The following ABI2 variants were observed in gnomAD, a reference collection of about 807,000 sequenced individuals.
The protein encoded by ABI2 is abl interactor 2, also known as abelson interactor 2.
In ABI2, 25 loss-of-function variants were observed where a neutral mutation model predicts 59.2. That is an observed-to-expected ratio of 0.42 (90% CI 0.31 to 0.59). The LOEUF is 0.59. ABI2 is among the 20% of genes least tolerant of loss of function. ABI2 has a pLI of 0.14. For synonymous variants in ABI2, 213 were observed against 235.5 expected, an observed-to-expected ratio of 0.90 and a Z score of 0.87; for missense variants, 545 against 681.8, an observed-to-expected ratio of 0.80 and a Z score of 2.23.
At chr2:203,337,078 A>C (rs906020854) in intron 1 of ABI2, among the ~76,000 whole-genome samples, 34 of 152,236 alleles carry the variant, frequency 2.2e-4, no homozygotes, top group Non-Finnish European at 3.5e-4. Context: ...TAAGATCAGG[A>C]ATAAGACAGT....
chr2:203,423,307 T>C (rs144141861), intron 11 of ABI2, among the ~76,000 whole-genome samples: 2,303 of 152,342 alleles, frequency 0.015, 29 homozygotes, highest in Middle Eastern at 0.054. Context: ...TGTTAGGCGC[T>C]AGGGATACAC....
chr2:203,370,186 T>TTCTCTC (rs71007509), intron 2 of ABI2, among the ~76,000 whole-genome samples: 1,633 of 136,634 alleles, frequency 0.012, 32 homozygotes, highest in African/African-American at 0.034. Context: ...CATTCTCCTA[T>TTCTCTC]TCTCTCTCTC....
chr2:203,396,161 T>A (rs758336392), intron 7 of ABI2, among the ~76,000 whole-genome samples: 9 of 152,214 alleles, frequency 5.9e-5, no homozygotes, highest in Admixed American at 1.3e-4. Flanking sequence ...TTAAATTTAG[T>A]GGCTGTATTG....
At chr2:203,356,835 T>A (rs533240308) in intron 1 of ABI2, among the ~76,000 whole-genome samples, 2 of 119,148 alleles carry the variant, frequency 1.7e-5, no homozygotes, top group Non-Finnish European at 3.7e-5. Flanking sequence ...CTGAAAGTTT[T>A]TGGTTTTACA....
intron 1 of ABI2, among the ~76,000 whole-genome samples, chr2:203,333,479 T>A (rs1575540039): frequency 6.6e-6 from 1 of 152,120 alleles, no homozygotes; most frequent in African/African-American, 2.4e-5. Context: ...AATGGGAGAA[T>A]CTTAGAATAC....
chr2:203,376,182 C>A, intron 2 of ABI2: 1 of 1,424,522 alleles, frequency 7.0e-7, no homozygotes, highest in South Asian at 1.3e-5. Flanking sequence ...TGGTTCTCAA[C>A]CAGGGAAGTT....
intron 1 of ABI2, among the ~76,000 whole-genome samples, chr2:203,364,234 C>T (rs2094017554): frequency 6.6e-6 from 1 of 151,684 alleles, no homozygotes; most frequent in Non-Finnish European, 1.5e-5. Flanking sequence ...GCTGGGATTA[C>T]AGGCATCTGT....
chr2:203,365,731 A>G (rs1220471328), intron 1 of ABI2, among the ~76,000 whole-genome samples: 3 of 140,154 alleles, frequency 2.1e-5, no homozygotes, highest in Non-Finnish European at 4.5e-5. Flanking sequence ...CCGGGTTCAC[A>G]CTGTTCTCCT....
intron 8 of ABI2, among the ~76,000 whole-genome samples, 163 bp downstream of exon 8, chr2:203,397,130 C>A (rs2097032071): frequency 6.6e-6 from 1 of 152,008 alleles, no homozygotes; most frequent in Non-Finnish European, 1.5e-5. Flanking sequence ...TTAGCATTTC[C>A]TGAGAAAATT....
intron 2 of ABI2, among the ~76,000 whole-genome samples, chr2:203,367,622 G>GA (rs1559235998): frequency 6.6e-6 from 1 of 151,994 alleles, no homozygotes; most frequent in African/African-American, 2.4e-5. Flanking sequence ...AGAAAAAGTA[G>GA]AAAAATAAAC....
intron 4 of ABI2, among the ~76,000 whole-genome samples, chr2:203,390,763 C>G (rs1172517444): frequency 2.6e-5 from 4 of 152,080 alleles, no homozygotes; most frequent in Non-Finnish European, 5.9e-5. Context: ...AATGTAATAT[C>G]AAATAATCTA....
chr2:203,386,501 C>A (rs2096527097), intron 4 of ABI2: 1 of 481,266 alleles, frequency 2.1e-6, no homozygotes, highest in Non-Finnish European at 2.5e-6. Flanking sequence ...GAATCCTGTT[C>A]TTTTAAAACT....
intron 11 of ABI2, among the ~76,000 whole-genome samples, chr2:203,417,799 G>C (rs2097964393): frequency 6.6e-6 from 1 of 152,068 alleles, no homozygotes; most frequent in Non-Finnish European, 1.5e-5. Flanking sequence ...CCTAAAACAG[G>C]AATTTTAAAA....
intron 9 of ABI2, among the ~76,000 whole-genome samples, chr2:203,403,892 C>T (rs1042035432): frequency 6.6e-6 from 1 of 151,768 alleles, no homozygotes; most frequent in Non-Finnish European, 1.5e-5. Flanking sequence ...GCTGGGATTA[C>T]AGGCACCCAC....
At position 203,339,298 on chromosome 2, in the gene ABI2, G is replaced by A. The variant is rs182328437; in HGVS notation, c.117+10667G>A. Among the ~76,000 whole-genome samples the A allele has an allele frequency of 1.4e-4, 21 of 151,742 alleles. No homozygotes were observed. The East Asian group carries it at 1.8e-3, about 13-fold the overall frequency. ...ACAGCCATTATGAAAAACTGGTTCC[G>A]GCCGGGTGTGGTGGCTCATGCCTGT... On this transcript the variant is annotated intron_variant, in intron 1 of 11. Coordinates refer to ENST00000261018, the MANE Select transcript of ABI2 (RefSeq NM_001375670.1).
intron 1 of ABI2, among the ~76,000 whole-genome samples, chr2:203,331,062 AGTTT>A (rs768058461): frequency 5.9e-5 from 9 of 152,312 alleles, no homozygotes; most frequent in Non-Finnish European, 1.3e-4. Context: ...ATTTTAAAAT[AGTTT>A]ATTTCTTCAG....
At position 203,396,975 on chromosome 2, in the gene ABI2, T is replaced by C; in HGVS notation, c.1033+8T>C. On this transcript the variant is annotated splice_region_variant and intron_variant, in intron 8 of 11. Transcript: ENST00000261018. ...CTTCCACTCCCCCTACAGGTAAGTA[T>C]TTGCTTATTCATTGGCAGGCAGATG... 1 of 1,442,178 alleles carries C rather than the reference T, an allele frequency of 6.9e-7. No homozygotes were observed. Among genetic ancestry groups the C allele is most frequent in the Non-Finnish European group, 9.1e-7 (1 of 1,099,376 alleles). The allele number at this position is 1,442,178 out of a possible 1,614,324, so 89.3% of individuals were successfully genotyped here.
chr2:203,392,299 CCACCACCACCACCACCAA>C (rs1270560090), intron 5 of ABI2, among the ~76,000 whole-genome samples: 2 of 94,724 alleles, frequency 2.1e-5, no homozygotes, highest in Non-Finnish European at 4.6e-5. Context: ...ACCACCACCA[CCACCACCACCACCACCAA>C]CAACAACAAC....
intron 11 of ABI2, among the ~76,000 whole-genome samples, chr2:203,425,026 A>ATTT (rs771713104): frequency 9.6e-4 from 129 of 134,546 alleles, no homozygotes; most frequent in African/African-American, 3.0e-3. Context: ...TGCCAGGCTA[A>ATTT]TTTTTTTTTT....
Sources: gnomAD v4.1 joint callset for allele counts (sites outside exome capture counted in the v4.1 genomes callset) on GRCh38, gnomAD v4.1.1 for gene constraint, MANE v1.5 for transcripts, NCBI Gene and HGNC (gene_info 2026-07-23, HGNC 2026-07-21) for gene names.